The following COLEC11 variants were observed in gnomAD, a reference collection of about 807,000 sequenced individuals.
COLEC11 encodes the protein collectin subfamily member 11, also known as collectin-11.
In COLEC11, 20 loss-of-function variants were observed where a neutral mutation model predicts 27.3. The observed-to-expected ratio is 0.73, with a 90% CI of 0.51 to 1.06. The LOEUF is 1.06. Ranked by LOEUF, COLEC11 falls within the 50% of genes least tolerant of loss-of-function variation. The pLI is 0.00. For missense variants in COLEC11, 310 were observed against 383.0 expected, an observed-to-expected ratio of 0.81 and a Z score of 1.59; for synonymous variants, 163 against 154.7, an observed-to-expected ratio of 1.05 and a Z score of -0.40.
chr2:3,643,332 C>T (rs1241243614), intron 5 of COLEC11, 112 bp from the exon 6 acceptor site: 10 of 903,440 alleles, frequency 1.1e-5, no homozygotes, highest in Admixed American at 3.6e-5. Context: ...CTCAAAGGCC[C>T]GTGGGGCACG....
chr2:3,619,160 T>C (rs1250034107), intron 3 of COLEC11, among the ~76,000 whole-genome samples: 6 of 151,240 alleles, frequency 4.0e-5, no homozygotes, highest in East Asian at 3.9e-4. Flanking sequence ...CCTCCCTCCT[T>C]CTTTCCCGCC....
chr2:3,633,414 C>T (rs1272754177), intron 3 of COLEC11, among the ~76,000 whole-genome samples: 1 of 152,240 alleles, frequency 6.6e-6, no homozygotes, highest in Non-Finnish European at 1.5e-5. Context: ...GATGTTAAAG[C>T]AAATCCAAGG....
At chr2:3,598,034 C>G (rs1235317187) in intron 1 of COLEC11, among the ~76,000 whole-genome samples, 1 of 152,110 alleles carries the variant, frequency 6.6e-6, no homozygotes, top group Non-Finnish European at 1.5e-5. Flanking sequence ...CTCCCGGGTT[C>G]AAGCGATTCT....
chr2:3,612,843 G>A (rs1415709911), intron 2 of COLEC11, among the ~76,000 whole-genome samples: 1 of 152,136 alleles, frequency 6.6e-6, no homozygotes, highest in East Asian at 1.9e-4. Context: ...CTGTGCCCTG[G>A]GGGGCTCACA....
At position 3,642,401 on chromosome 2, in the gene COLEC11, C is replaced by T. The variant is rs529318038; in HGVS notation, c.329-1043C>T. ...GCCTGTGAGGTGTTCCCTGTTATTT[C>T]AGTGTGGGAGGTGGCTTCCCACCAT... is the stretch of plus-strand genomic sequence containing the variant. On this transcript the variant is annotated intron_variant, in intron 5 of 6. Transcript: ENST00000349077. Among the ~76,000 whole-genome samples the T allele has an allele frequency of 9.9e-5, 15 of 152,272 alleles. No individual in the cohort carries two copies. The East Asian group carries it at 2.7e-3, about 27-fold the overall frequency.
In COLEC11 at chr2:3,604,383, G is replaced by A. The variant is rs759032478; in HGVS notation, c.43G>A (p.Ala15Thr). The A allele has an allele frequency of 2.5e-6, 4 of 1,614,198 alleles. No homozygotes were observed. Among genetic ancestry groups the A allele is most frequent in the Non-Finnish European group, 3.4e-6 (4 of 1,180,036 alleles). Residue 15 changes from alanine (A) to threonine (T), a missense_variant, in exon 2 of 7, where the codon GCC (alanine) becomes ACC (threonine). Ala to Thr is a moderately conservative substitution (Grantham distance 58). Transcript: ENST00000349077. ...CCTGGTGGGCGTTCTAATCAGCCTG[G>A]CCTTCCTGTCACTGCTGCCATCTGG... ...LALVGVLISLAFLSLLPSGHP... is the reference protein window; with the variant it reads ...LALVGVLISLTFLSLLPSGHP...
intron 1 of COLEC11, among the ~76,000 whole-genome samples, chr2:3,597,228 T>C (rs1317804548): frequency 6.6e-6 from 1 of 151,196 alleles, no homozygotes; most frequent in Admixed American, 6.6e-5. Flanking sequence ...GGTCAGTGAA[T>C]GAATGGAGTG....
At chr2:3,599,108 C>G (rs946263480) in intron 1 of COLEC11, among the ~76,000 whole-genome samples, 12 of 152,174 alleles carry the variant, frequency 7.9e-5, no homozygotes, top group Admixed American at 7.9e-4. Context: ...CCTCACCACA[C>G]ACTGGTTACG....
chr2:3,636,227 T>C (rs1246070656), intron 3 of COLEC11, among the ~76,000 whole-genome samples: 1 of 152,164 alleles, frequency 6.6e-6, no homozygotes, highest in Non-Finnish European at 1.5e-5. Flanking sequence ...GAGGCCGAGG[T>C]GGATGGATCA....
Position 3,597,388 on chromosome 2 carries a change from C to T in COLEC11, c.-27+2220C>T, listed in dbSNP as rs1292231563. ...CCCACCTGGGCTGCTCCGGGGTCAG[C>T]GGATGAATGGAGTGAAGGCACGAGA... On this transcript the variant is annotated intron_variant, in intron 1 of 6. Transcript: ENST00000349077. Among the ~76,000 whole-genome samples, 5 of 140,676 alleles carry T rather than the reference C, an allele frequency of 3.6e-5. No individual in the cohort carries two copies. The South Asian group carries it at 9.4e-4, about 26-fold the overall frequency. 92.3% of individuals were successfully genotyped at this position (140,676 alleles called of 152,430 possible).
chr2:3,639,103 T>C (rs1665661179), intron 4 of COLEC11, among the ~76,000 whole-genome samples: 1 of 152,256 alleles, frequency 6.6e-6, no homozygotes, highest in Non-Finnish European at 1.5e-5. Flanking sequence ...GTGTAGTGTT[T>C]TCAGGGTTCA....
chr2:3,637,459 G>A lies in COLEC11; in HGVS notation c.203-74G>A, dbSNP rs36024497. 2.4e-3 allele frequency: 2,749 copies of A among 1,154,454 alleles called. 11 individuals are homozygous for A. The highest frequency in any genetic ancestry group is 2.9e-3 in the Non-Finnish European group (2,175 of 761,184). The allele number at this position is 1,154,454 out of a possible 1,614,324, so 71.5% of individuals were successfully genotyped here. ...AGGAAGGAGGGCGGTCGGGTTATCC[G>A]TGCACGTGTGTGATGGAGGAGGCCA... On this transcript the variant is annotated intron_variant, in intron 3 of 6. Transcript: ENST00000349077.
chr2:3,626,005 T>G, intron 3 of COLEC11: 2 of 1,611,366 alleles, frequency 1.2e-6, no homozygotes, highest in Non-Finnish European at 1.7e-6. Flanking sequence ...TTGTATTTAC[T>G]TTTTCCAGCA....
chr2:3,619,667 C>G (rs1056925380), intron 3 of COLEC11, among the ~76,000 whole-genome samples: 3 of 152,100 alleles, frequency 2.0e-5, no homozygotes, highest in Non-Finnish European at 4.4e-5. Flanking sequence ...GCTCTGTTGC[C>G]CAGGCTGGAG....
At chr2:3,624,359 G>A (rs985969261) in intron 3 of COLEC11, among the ~76,000 whole-genome samples, 15 of 152,278 alleles carry the variant, frequency 9.9e-5, no homozygotes, top group African/African-American at 3.4e-4. Context: ...AGCTTGTTGG[G>A]GGGCTTCCTA....
chr2:3,599,297 G>A (rs1572378087), intron 1 of COLEC11, among the ~76,000 whole-genome samples: 1 of 152,176 alleles, frequency 6.6e-6, no homozygotes, highest in South Asian at 2.1e-4. Flanking sequence ...GAAGAAGCCA[G>A]GTCCTCATCT....
intron 2 of COLEC11, among the ~76,000 whole-genome samples, chr2:3,605,296 G>A (rs1020439755): frequency 7.2e-6 from 1 of 139,544 alleles, no homozygotes; most frequent in Non-Finnish European, 1.6e-5. Flanking sequence ...TCACGTGGGT[G>A]CCGAGGAGGG....
intron 5 of COLEC11, chr2:3,641,529 G>A (rs1665872175): frequency 1.2e-5 from 10 of 849,930 alleles, no homozygotes; most frequent in Non-Finnish European, 1.6e-5. Flanking sequence ...GTTAAATGAG[G>A]AAAGGAATCC....
intron 2 of COLEC11, among the ~76,000 whole-genome samples, chr2:3,611,644 C>T (rs116287127): frequency 0.023 from 3,503 of 151,982 alleles, 144 homozygotes; most frequent in African/African-American, 0.078. Flanking sequence ...GATCGTGGGT[C>T]AGCCCAGGGG....
Sources: allele counts gnomAD v4.1 joint callset (sites outside exome capture counted in the v4.1 genomes callset), GRCh38; gene constraint gnomAD v4.1.1; transcripts MANE v1.5; gene names NCBI Gene and HGNC (gene_info 2026-07-23, HGNC 2026-07-21).